Variants in PRPF4 observed in about 807,000 individuals in gnomAD.
The protein encoded by PRPF4 is U4/U6 small nuclear ribonucleoprotein Prp4.
A neutral mutation model predicts 72.2 loss-of-function variants in PRPF4; 14 were observed. The ratio of observed to expected loss-of-function variants is 0.19; its 90% CI spans 0.13 to 0.30. The LOEUF is 0.30. Ranked by LOEUF, PRPF4 falls within the 10% of genes least tolerant of loss-of-function variation. The probability of loss-of-function intolerance (pLI) is 1.00; values close to 1 mark genes in which losing one functional copy is unlikely to be tolerated. For synonymous variants in PRPF4, 225 were observed against 232.2 expected (o/e 0.97, Z 0.28); for missense variants, 478 against 653.9 (o/e 0.73, Z 2.93).
chr9:113,289,491 C>CT (rs1353588411), intron 10 of PRPF4, among the ~76,000 whole-genome samples: 11 of 152,196 alleles, frequency 7.2e-5, no homozygotes, highest in Non-Finnish European at 1.2e-4. Context: ...TGTTGTCAGT[C>CT]TTACCATTTT....
At chr9:113,283,045 T>C in intron 4 of PRPF4, 87 bp from the exon 5 acceptor site, 1 of 1,591,752 alleles carries the variant, frequency 6.3e-7, no homozygotes, top group Non-Finnish European at 8.5e-7. Flanking sequence ...TCACCTTCCT[T>C]CTGGGCAGTT....
chr9:113,277,753 A>C (rs1048877301), intron 2 of PRPF4, among the ~76,000 whole-genome samples: 2 of 152,142 alleles, frequency 1.3e-5, no homozygotes, highest in Non-Finnish European at 2.9e-5. Flanking sequence ...TAATCCCAGC[A>C]CTTTGGGAGG....
At chr9:113,289,529 T>A (rs1832547299) in intron 10 of PRPF4, among the ~76,000 whole-genome samples, 1 of 152,256 alleles carries the variant, frequency 6.6e-6, no homozygotes, top group South Asian at 2.1e-4. Flanking sequence ...TGTAGTGATC[T>A]CCCGTGATTT....
chr9:113,291,070 T>TC, intron 13 of PRPF4, 54 bp downstream of exon 13: 1 of 1,520,192 alleles, frequency 6.6e-7, no homozygotes, highest in Non-Finnish European at 9.1e-7. Flanking sequence ...AGTATTGTGT[T>TC]CCCGTGGAAT....
chr9:113,276,716 A>G lies in PRPF4; in HGVS notation c.196A>G (p.Ile66Val), dbSNP rs770151743. The change falls in exon 2 of 14, where the codon ATA becomes GTA. Residue 66 changes from isoleucine to valine, a missense_variant. Coordinates refer to ENST00000374198, the MANE Select transcript of PRPF4 (RefSeq NM_001244926.2). ...AGGGATCGAAGCTGGAAATATTAAT[A>G]TAACCTCTGGTAAGATGCAAATTGT... Reference protein sequence around the residue: ...KAGIEAGNINITSGEVFEIEE... With the variant: ...KAGIEAGNINVTSGEVFEIEE... 2.5e-6 allele frequency: 4 copies of G among 1,612,304 alleles called. No homozygotes were observed. The highest frequency in any genetic ancestry group is 3.4e-5 in the Admixed American group (2 of 59,636).
intron 3 of PRPF4, among the ~76,000 whole-genome samples, chr9:113,280,524 C>A (rs1444751503): frequency 6.6e-6 from 1 of 152,204 alleles, no homozygotes; most frequent in African/African-American, 2.4e-5. Context: ...TTAGCAAAAT[C>A]TGGTCTGTTC....
Position 113,292,425 on chromosome 9 carries a change from A to G in PRPF4, c.*765A>G, listed in dbSNP as rs1032785315. 8 of 152,122 alleles carry G rather than the reference A, an allele frequency of 5.3e-5. No individual in the cohort carries two copies. The highest frequency in any genetic ancestry group is 6.5e-5 in the Admixed American group (1 of 15,268). The allele number at this position is 152,122 out of a possible 1,614,324, so 9.4% of individuals were successfully genotyped here. ...CATCTCACCACTCATTGGTTAAACAATGCATCATAGCGAGCACTTTTCCTT... is the reference window on the plus strand; with the variant it reads ...CATCTCACCACTCATTGGTTAAACAGTGCATCATAGCGAGCACTTTTCCTT... On this transcript the variant is annotated 3_prime_UTR_variant, in exon 14 of 14. Transcript: ENST00000374198.
chr9:113,282,398 G>A (rs1588012543), intron 3 of PRPF4, among the ~76,000 whole-genome samples: 1 of 152,022 alleles, frequency 6.6e-6, no homozygotes, highest in East Asian at 1.9e-4. Context: ...CTTGAGCTCA[G>A]GAGGTTGAGG....
At chr9:113,279,335 T>TTTTTGTTTTGTTTTGTTTTG (rs148026338) in intron 3 of PRPF4, among the ~76,000 whole-genome samples, 1 of 150,212 alleles carries the variant, frequency 6.7e-6, no homozygotes, top group African/African-American at 2.5e-5. Flanking sequence ...TGTTTGTTCG[T>TTTTTGTTTTGTTTTGTTTTG]TTTTGTTTTG....
At chr9:113,282,912 C>A in intron 4 of PRPF4, 179 bp downstream of exon 4, 1 of 1,018,396 alleles carries the variant, frequency 9.8e-7, no homozygotes, top group Non-Finnish European at 1.4e-6. Flanking sequence ...ATGAATGGAG[C>A]TAAGTGAGTT....
chr9:113,276,478 C>G, intron 1 of PRPF4, 70 bp from the exon 2 acceptor site: 3 of 1,544,784 alleles, frequency 1.9e-6, no homozygotes, highest in East Asian at 2.2e-5. Flanking sequence ...GGGTGAGCTT[C>G]ATCCTCTGGT....
chr9:113,280,568 G>T (rs533395256), intron 3 of PRPF4, among the ~76,000 whole-genome samples: 13 of 152,100 alleles, frequency 8.5e-5, no homozygotes, highest in Non-Finnish European at 1.9e-4. Flanking sequence ...TATCTTCTTT[G>T]CTCTATCTTT....
Position 113,291,074 on chromosome 9 carries a change from G to T in PRPF4, c.1372+58G>T, listed in dbSNP as rs57787264. 190 of 1,501,280 alleles carry T rather than the reference G, an allele frequency of 1.3e-4. 4 individuals are homozygous for T. In the South Asian group the frequency reaches 2.1e-3, roughly 17 times the overall value. 93.0% of individuals were successfully genotyped at this position (1,501,280 alleles called of 1,614,324 possible). ...CACAGACAAACAGTATTGTGTTCCCGTGGAATGCAGGCCAGGCTTTAGCTT... is the reference window on the plus strand; with the variant it reads ...CACAGACAAACAGTATTGTGTTCCCTTGGAATGCAGGCCAGGCTTTAGCTT... On this transcript the variant is annotated intron_variant, in intron 13 of 13. Transcript: ENST00000374198.
At chr9:113,278,201 G>T (rs1363394933) in intron 2 of PRPF4, among the ~76,000 whole-genome samples, 1 of 152,146 alleles carries the variant, frequency 6.6e-6, no homozygotes, top group Non-Finnish European at 1.5e-5. Context: ...TGTCAGTAAT[G>T]AGAGGTCTAC....
chr9:113,290,432 C>T (rs1302804088), intron 10 of PRPF4, 34 bp from the exon 11 acceptor site: 1 of 1,613,474 alleles, frequency 6.2e-7, no homozygotes, highest in Non-Finnish European at 8.5e-7. Flanking sequence ...GAATAAATAT[C>T]AGCTGGTTGA....
chr9:113,285,630 G>A (rs1265055128), intron 7 of PRPF4, among the ~76,000 whole-genome samples: 9 of 151,494 alleles, frequency 5.9e-5, no homozygotes, highest in Admixed American at 3.3e-4. Context: ...TGCCCGCCTT[G>A]GCCTCCCAAA....
chr9:113,278,831 A>G, intron 2 of PRPF4, 114 bp from the exon 3 acceptor site: 1 of 997,232 alleles, frequency 1.0e-6, no homozygotes, highest in Non-Finnish European at 1.5e-6. Flanking sequence ...AAACTATAAA[A>G]TGTGTAATAG....
At position 113,286,294 on chromosome 9, in the gene PRPF4, A is replaced by C. The variant is rs1323632331; in HGVS notation, c.808+4A>C. 1.2e-6 allele frequency: 2 copies of C among 1,607,442 alleles called. No homozygotes were observed. Among genetic ancestry groups the C allele is most frequent in the Admixed American group, 3.3e-5 (2 of 60,014 alleles). ...AACCTCCTTCACACTCTTCGAGGTA[A>C]GTTAGAGTCTTATCCAAATCTCGGT... is the stretch of plus-strand genomic sequence containing the variant. On this transcript the variant is annotated splice_donor_region_variant and intron_variant, in intron 8 of 13. Coordinates refer to ENST00000374198, the MANE Select transcript of PRPF4 (RefSeq NM_001244926.2).
intron 1 of PRPF4, 131 bp downstream of exon 1, chr9:113,275,901 G>GA: frequency 8.1e-7 from 1 of 1,234,058 alleles, no homozygotes. Flanking sequence ...GGGACTCAGC[G>GA]GTGTCCTACA....
Sources: gnomAD v4.1 joint callset for allele counts (sites outside exome capture counted in the v4.1 genomes callset) on GRCh38, gnomAD v4.1.1 for gene constraint, MANE v1.5 for transcripts, NCBI Gene and HGNC (gene_info 2026-07-23, HGNC 2026-07-21) for gene names.